KAZN: variants seen among roughly 807,000 people sequenced by gnomAD.
KAZN encodes the protein kazrin, periplakin interacting protein, also known as kazrin.
Under a neutral mutation model 87.4 loss-of-function variants are expected in KAZN, and 40 were observed. The observed-to-expected ratio is 0.46, with a 90% confidence interval of 0.36 to 0.60. KAZN has a LOEUF of 0.60. KAZN is among the 20% of genes least tolerant of loss of function. KAZN has a pLI of 0.00. For synonymous variants in KAZN, 466 were observed against 458.3 expected (o/e 1.02, Z -0.22); for missense variants, 898 against 1,073.9 (o/e 0.84, Z 2.29).
intron 2 of KAZN, among the ~76,000 whole-genome samples, chr1:14,997,206 TTTATTTA>T (rs1557699074): frequency 0.049 from 1,168 of 23,858 alleles, 7 homozygotes; most frequent in Non-Finnish European, 0.15. Context: ...CTTTCTTTCA[TTTATTTA>T]TTTATTTATT....
intron 2 of KAZN, among the ~76,000 whole-genome samples, chr1:14,510,658 TA>T (rs1670854663): frequency 6.6e-6 from 1 of 152,168 alleles, no homozygotes; most frequent in Non-Finnish European, 1.5e-5. Context: ...TTACATTTTT[TA>T]AAGATTATCC....
intron 2 of KAZN, among the ~76,000 whole-genome samples, chr1:14,298,752 A>T (rs1228683774): frequency 6.6e-6 from 1 of 152,142 alleles, no homozygotes; most frequent in Non-Finnish European, 1.5e-5. Flanking sequence ...CCCTTTATTA[A>T]ACTTGAATGG....
intron 1 of KAZN, among the ~76,000 whole-genome samples, chr1:14,061,807 T>C (rs1642805280): frequency 6.6e-6 from 1 of 152,164 alleles, no homozygotes; most frequent in African/African-American, 2.4e-5. Context: ...TTTAGATATA[T>C]CACATCTGTG....
intron 1 of KAZN, among the ~76,000 whole-genome samples, chr1:14,712,268 T>C (rs572807950): frequency 8.4e-4 from 128 of 152,284 alleles, no homozygotes; most frequent in African/African-American, 3.0e-3. Flanking sequence ...GACAGGAGGC[T>C]GTGAGATTCA....
intron 1 of KAZN, among the ~76,000 whole-genome samples, chr1:14,885,326 G>C: frequency 6.6e-6 from 1 of 151,858 alleles, no homozygotes; most frequent in Non-Finnish European, 1.5e-5. Context: ...TCTGCCTGCT[G>C]AACATTGCAG....
intron 2 of KAZN, among the ~76,000 whole-genome samples, chr1:14,541,441 A>G (rs748647564): frequency 3.9e-5 from 6 of 152,304 alleles, no homozygotes; most frequent in Admixed American, 2.6e-4. Flanking sequence ...TTCAGTCCCA[A>G]ACAGTGAAGG....
intron 1 of KAZN, among the ~76,000 whole-genome samples, chr1:14,805,801 T>TAAA (rs1362360706): frequency 7.7e-6 from 1 of 130,676 alleles, no homozygotes; most frequent in Non-Finnish European, 1.7e-5. Flanking sequence ...ATAATAATAA[T>TAAA]AATAAATTAA....
intron 2 of KAZN, among the ~76,000 whole-genome samples, chr1:14,305,922 G>A (rs1654893122): frequency 6.6e-6 from 1 of 152,118 alleles, no homozygotes. Context: ...ACAGGATTGG[G>A]TAGAGAAGCT....
intron 2 of KAZN, among the ~76,000 whole-genome samples, chr1:14,357,958 C>A (rs1465790671): frequency 6.6e-6 from 1 of 152,156 alleles, no homozygotes; most frequent in East Asian, 1.9e-4. Context: ...AGGGAGAAGT[C>A]CCTCTTTTAC....
chr1:14,254,436 T>C (rs1201098737), intron 2 of KAZN, among the ~76,000 whole-genome samples: 1 of 152,142 alleles, frequency 6.6e-6, no homozygotes, highest in African/African-American at 2.4e-5. Flanking sequence ...CTTTTGTTGG[T>C]AACTCAAGCC....
At chr1:14,040,621 G>T (rs1314337560) in intron 1 of KAZN, among the ~76,000 whole-genome samples, 5 of 151,912 alleles carry the variant, frequency 3.3e-5, no homozygotes, top group Admixed American at 3.3e-4. Context: ...AATTAGCCAG[G>T]CATGGTGGCG....
At position 15,094,761 on chromosome 1, in the gene KAZN, G is replaced by A. The variant is rs917233633; in HGVS notation, c.1429-54G>A. The A allele has an allele frequency of 4.3e-6, 6 of 1,389,322 alleles. No homozygotes were observed. Among genetic ancestry groups the A allele is most frequent in the African/African-American group, 4.3e-5 (3 of 69,854 alleles). The allele number at this position is 1,389,322 out of a possible 1,614,324, so 86.1% of individuals were successfully genotyped here. On this transcript the variant is annotated intron_variant, in intron 9 of 14. Coordinates refer to ENST00000376030, the MANE Select transcript of KAZN (RefSeq NM_201628.3). This position sits in a 1 kb window ranked among gnomAD's most constrained non-coding sequence, Gnocchi z 4.5. ...TGTCAACAGACCCCCTCTAGGGCAG[G>A]AACCCCGCCGGCAGCTGTCCCAGCC... is the stretch of plus-strand genomic sequence containing the variant.
intron 2 of KAZN, among the ~76,000 whole-genome samples, chr1:14,336,421 A>G (rs1657275991): frequency 6.6e-6 from 1 of 152,234 alleles, no homozygotes; most frequent in Admixed American, 6.5e-5. Flanking sequence ...AGGATGATGT[A>G]TGAGCATCTC....
chr1:14,740,517 C>A (rs1644060777), intron 1 of KAZN, among the ~76,000 whole-genome samples: 1 of 152,100 alleles, frequency 6.6e-6, no homozygotes, highest in South Asian at 2.1e-4. Context: ...TCTCGCCCAC[C>A]CCAATTCCAT....
chr1:14,634,906 T>C (rs1303073953), intron 1 of KAZN, among the ~76,000 whole-genome samples: 1 of 152,148 alleles, frequency 6.6e-6, no homozygotes, highest in Non-Finnish European at 1.5e-5. Flanking sequence ...CGGAGGTAAA[T>C]GGCTCAGGAA....
At chr1:15,102,979 G>A (rs1223776986) in intron 11 of KAZN, among the ~76,000 whole-genome samples, 2 of 152,178 alleles carry the variant, frequency 1.3e-5, no homozygotes, top group Non-Finnish European at 2.9e-5. Context: ...GAGGTGCAGG[G>A]GCCAGGCCTG....
chr1:14,586,025 G>C (rs1211569389), intron 2 of KAZN, among the ~76,000 whole-genome samples: 2 of 152,220 alleles, frequency 1.3e-5, no homozygotes, highest in South Asian at 2.1e-4. Context: ...CTGTTCCCTA[G>C]TGGGGGTGTT....
At chr1:14,381,819 T>C (rs531860547) in intron 2 of KAZN, among the ~76,000 whole-genome samples, 80 of 152,268 alleles carry the variant, frequency 5.3e-4, no homozygotes, top group South Asian at 1.7e-3. Flanking sequence ...CTGGAAGTTA[T>C]AGTTAGAGCA....
chr1:14,360,526 G>A (rs912598810), intron 2 of KAZN, among the ~76,000 whole-genome samples: 2 of 151,846 alleles, frequency 1.3e-5, no homozygotes, highest in African/African-American at 4.8e-5. Context: ...GAGGCATTCT[G>A]GTTTTTGGAA....
Sources: gnomAD v4.1 joint callset for allele counts (sites outside exome capture counted in the v4.1 genomes callset) on GRCh38, gnomAD v4.1.1 for gene constraint, Gnocchi (gnomAD v3.1) non-coding constraint, MANE v1.5 for transcripts, NCBI Gene and HGNC (gene_info 2026-07-23, HGNC 2026-07-21) for gene names.